Variants in MRPS22 observed in about 807,000 individuals in gnomAD.
MRPS22 encodes the protein mitochondrial ribosomal protein S22, also known as small ribosomal subunit protein mS22.
Under a neutral mutation model 44.0 loss-of-function variants are expected in MRPS22, and 30 were observed. The observed-to-expected ratio is 0.68, with a 90% CI of 0.51 to 0.93. The LOEUF (loss-of-function observed/expected upper bound fraction) is 0.93, where lower values mean the gene tolerates loss of function less well. Among genes scored for constraint, MRPS22 ranks in the 40% least tolerant of loss-of-function variants. The probability of loss-of-function intolerance (pLI) is 0.00; values close to 1 mark genes in which losing one functional copy is unlikely to be tolerated. For synonymous variants in MRPS22, 165 were observed against 154.4 expected (o/e 1.07, Z -0.51); for missense variants, 447 against 447.8 (o/e 1.00, Z 0.02).
chr3:139,353,284 A>G (rs567528110), intron 6 of MRPS22, among the ~76,000 whole-genome samples: 4 of 152,364 alleles, frequency 2.6e-5, no homozygotes, highest in African/African-American at 9.6e-5. Flanking sequence ...GCATGAAACA[A>G]AAAATACCTG....
At position 139,344,061 on chromosome 3, in the gene MRPS22, G is replaced by T; in HGVS notation, c.35G>T (p.Ser12Ile). The T allele has an allele frequency of 1.4e-5, 23 of 1,614,192 alleles. No homozygotes were observed. Among genetic ancestry groups the T allele is most frequent in the Non-Finnish European group, 1.9e-5 (22 of 1,180,034 alleles). ...APLGTTVLLWSLLRSSPGVER... is the reference protein window; with the variant it reads ...APLGTTVLLWILLRSSPGVER... ...CTCGGAACAACTGTATTGCTGTGGAGCCTCTTGAGGAGTTCTCCGGGCGTG... is the reference window on the plus strand; with the variant it reads ...CTCGGAACAACTGTATTGCTGTGGATCCTCTTGAGGAGTTCTCCGGGCGTG... Residue 12 changes from serine (S) to isoleucine (I), a missense_variant, in exon 1 of 8, where the codon AGC (serine) becomes ATC (isoleucine). By Grantham distance (142) the Ser-to-Ile change is moderately radical. Coordinates refer to ENST00000680020, the MANE Select transcript of MRPS22 (RefSeq NM_020191.4).
intron 5 of MRPS22, 93 bp from the exon 6 acceptor site, chr3:139,352,554 C>A (rs1941170656): frequency 8.6e-7 from 1 of 1,159,476 alleles, no homozygotes; most frequent in African/African-American, 1.5e-5. Flanking sequence ...GTTTTACTTG[C>A]TTGGGCAGCA....
intron 1 of MRPS22, chr3:139,344,668 A>C (rs1941004579): frequency 5.7e-6 from 4 of 699,930 alleles, no homozygotes; most frequent in Admixed American, 4.1e-5. Flanking sequence ...GGACAGTAGC[A>C]GATGTCCAGA....
Position 139,351,040 on chromosome 3 carries a change from G to A in MRPS22, c.712G>A (p.Asp238Asn). 1 of 1,613,950 alleles carries A rather than the reference G, an allele frequency of 6.2e-7. No individual in the cohort carries two copies. The highest frequency in any genetic ancestry group is 8.5e-7 in the Non-Finnish European group (1 of 1,179,840). The change falls in exon 5 of 8, where the codon GAT becomes AAT. Residue 238 changes from aspartate to asparagine, a missense_variant. Physicochemically the swap from Asp to Asn is conservative, Grantham distance 23. Transcript: ENST00000680020. ...LNLCFAQFEP[D>N]STEYIKVHHK... ...TCTCTGCTTTGCCCAGTTTGAGCCA[G>A]ATTCCACAGAGTATATCAAGGTGAG...
At chr3:139,345,438 GTTTTTTTTTTTGT>G (rs1177764242) in intron 1 of MRPS22, among the ~76,000 whole-genome samples, 1 of 121,646 alleles carries the variant, frequency 8.2e-6, no homozygotes, top group East Asian at 2.6e-4. Flanking sequence ...TGCCAGTGGT[GTTTTTTTTTTTGT>G]TTTTTTTTTT....
In MRPS22 at chr3:139,348,182, C is replaced by T; in HGVS notation, c.362C>T (p.Ala121Val). The T allele has an allele frequency of 6.2e-7, 1 of 1,614,052 alleles. No individual in the cohort carries two copies. Among genetic ancestry groups the T allele is most frequent in the Non-Finnish European group, 8.5e-7 (1 of 1,179,984 alleles). ...LEEATRQAVE[A>V]AKVRLKMPPV... The stretch of plus-strand genomic sequence containing the variant: ...TAGGCTACAAGACAGGCAGTTGAGG[C>T]AGCTAAAGTACGATTAAAAATGCCA... Residue 121 changes from alanine to valine, a missense_variant, in exon 3 of 8, where the codon GCA (alanine) becomes GTA (valine). Physicochemically the swap from Ala to Val is moderately conservative, Grantham distance 64 (BLOSUM62 0). Coordinates refer to ENST00000680020, the MANE Select transcript of MRPS22 (RefSeq NM_020191.4).
chr3:139,349,152 T>C, intron 3 of MRPS22: 1 of 330,954 alleles, frequency 3.0e-6, no homozygotes. Context: ...TTAATTACAG[T>C]TTTTGTTTTG....
In MRPS22 at chr3:139,351,177, C is replaced by T. The variant is rs115622196; in HGVS notation, c.732+117C>T. 358 of 767,760 alleles carry T rather than the reference C, an allele frequency of 4.7e-4. No homozygotes were observed. In the African/African-American group the frequency reaches 5.5e-3, roughly 12 times the overall value. The allele number at this position is 767,760 out of a possible 1,614,324, so 47.6% of individuals were successfully genotyped here. A position where few individuals can be genotyped will look rare whatever the true frequency, so the allele number is the denominator to read the frequency against. On this transcript the variant is annotated intron_variant, in intron 5 of 7. Transcript: ENST00000680020. ...ATACAGGGGAAAGGGAAGAGAAATA[C>T]CTGAAAATCTATTGAGTACAGTTGT...
intron 2 of MRPS22, among the ~76,000 whole-genome samples, chr3:139,347,929 TG>T (rs1476125481): frequency 6.6e-6 from 1 of 152,250 alleles, no homozygotes. Flanking sequence ...TCTCAGAGCA[TG>T]CCTTTGTGGT....
At chr3:139,355,274 T>C (rs1941226106) in intron 6 of MRPS22, among the ~76,000 whole-genome samples, 1 of 152,184 alleles carries the variant, frequency 6.6e-6, no homozygotes. Flanking sequence ...CTCCTGCTTA[T>C]GTGGGATGAA....
At chr3:139,351,496 T>C in intron 5 of MRPS22, 2 of 256,708 alleles carry the variant, frequency 7.8e-6, no homozygotes, top group Non-Finnish European at 1.5e-5. Flanking sequence ...CGAACTAGGA[T>C]AGAGTATGCT....
In MRPS22 at chr3:139,344,135, C is replaced by T; in HGVS notation, c.109C>T (p.Leu37Phe). 4 of 1,613,824 alleles carry T rather than the reference C, an allele frequency of 2.5e-6. No homozygotes were observed. Among genetic ancestry groups the T allele is most frequent in the Non-Finnish European group, 3.4e-6 (4 of 1,179,918 alleles). Reference protein sequence around the residue: ...ARIQPWHGGLLQPLPCSFEMG... With the variant: ...ARIQPWHGGLFQPLPCSFEMG... The stretch of plus-strand genomic sequence containing the variant: ...AATCCAGCCCTGGCACGGTGGCCTG[C>T]TCCAACCGCTACCTTGCTCTTTCGA... Residue 37 changes from leucine (L) to phenylalanine (F), a missense_variant, in exon 1 of 8, where the codon CTC (leucine) becomes TTC (phenylalanine). By Grantham distance (22) the Leu-to-Phe change is conservative. Transcript: ENST00000680020.
At chr3:139,347,134 C>T in intron 2 of MRPS22, 90 bp downstream of exon 2, 5 of 1,401,928 alleles carry the variant, frequency 3.6e-6, no homozygotes, top group Non-Finnish European at 5.1e-6. Flanking sequence ...TATAGCTATT[C>T]TTCCATAGGC....
chr3:139,355,355 C>T (rs1941227594), intron 6 of MRPS22, among the ~76,000 whole-genome samples: 1 of 152,158 alleles, frequency 6.6e-6, no homozygotes, highest in South Asian at 2.1e-4. Context: ...TGGAAATTGT[C>T]TACCATTAGG....
rs557618747 is a variant in MRPS22 at position 139,350,576 on chromosome 3, C to T, written c.648+254C>T. On this transcript the variant is annotated intron_variant, in intron 4 of 7. Coordinates refer to ENST00000680020, the MANE Select transcript of MRPS22 (RefSeq NM_020191.4). The stretch of plus-strand genomic sequence containing the variant: ...ATGAGTAGCTGGGATTACAGGCGCC[C>T]GCCACCACGCTTGGCTAATTTTTGT... 172 of 469,724 alleles carry T rather than the reference C, an allele frequency of 3.7e-4. 2 individuals carry two copies. Among genetic ancestry groups the T allele is most frequent in the South Asian group, 3.0e-3 (139 of 46,858 alleles). The allele number at this position is 469,724 out of a possible 1,614,324, so 29.1% of individuals were successfully genotyped here. A position where few individuals can be genotyped will look rare whatever the true frequency, so the allele number is the denominator to read the frequency against.
At chr3:139,351,408 T>C (rs1941149513) in intron 5 of MRPS22, 3 of 357,544 alleles carry the variant, frequency 8.4e-6, no homozygotes, top group African/African-American at 6.4e-5. Context: ...GTACAGTGTG[T>C]TTGTCTTACA....
rs749327356 is a variant in MRPS22 at position 139,344,068 on chromosome 3, G to A, written c.42G>A (p.Leu14=). Reference sequence around the variant, plus strand: ...CAACTGTATTGCTGTGGAGCCTCTTGAGGAGTTCTCCGGGCGTGGAACGGG... The same window carrying A: ...CAACTGTATTGCTGTGGAGCCTCTTAAGGAGTTCTCCGGGCGTGGAACGGG... ...LGTTVLLWSL[L]RSSPGVERVC... The change falls in exon 1 of 8, where the codon TTG becomes TTA. Residue 14 remains leucine, a synonymous_variant. Coordinates refer to ENST00000680020, the MANE Select transcript of MRPS22 (RefSeq NM_020191.4). 1.4e-5 allele frequency: 23 copies of A among 1,614,042 alleles called. No individual in the cohort carries two copies. The highest frequency in any genetic ancestry group is 3.3e-5 in the Admixed American group (2 of 60,004).
At chr3:139,345,304 G>C (rs1257156792) in intron 1 of MRPS22, among the ~76,000 whole-genome samples, 1 of 152,184 alleles carries the variant, frequency 6.6e-6, no homozygotes, top group Non-Finnish European at 1.5e-5. Flanking sequence ...ATGATCTGTA[G>C]TGGGGCCAGA....
At chr3:139,344,475 G>T (rs1322211096) in intron 1 of MRPS22, 3 of 611,684 alleles carry the variant, frequency 4.9e-6, no homozygotes, top group Admixed American at 5.6e-5. Context: ...ACATTTCCCT[G>T]TGGGAACTCA....
Sources: allele counts gnomAD v4.1 joint callset (sites outside exome capture counted in the v4.1 genomes callset), GRCh38; gene constraint gnomAD v4.1.1; transcripts MANE v1.5; gene names NCBI Gene and HGNC (gene_info 2026-07-23, HGNC 2026-07-21).